NWD2: variants seen among roughly 807,000 people sequenced by gnomAD.
NWD2 encodes NACHT and WD repeat domain containing 2.
A neutral mutation model predicts 132.7 loss-of-function variants in NWD2; 37 were observed. The ratio of observed to expected loss-of-function variants is 0.28; its 90% CI spans 0.21 to 0.37. The LOEUF (loss-of-function observed/expected upper bound fraction) is 0.37. NWD2 is among the 10% of genes least tolerant of loss of function. The pLI is 1.00. For missense variants in NWD2, 1,592 were observed against 2,122.4 expected (o/e 0.75, Z 4.91); for synonymous variants, 705 against 803.0 (o/e 0.88, Z 2.06).
At chr4:37,364,131 C>G (rs1720039081) in intron 3 of NWD2, among the ~76,000 whole-genome samples, 1 of 152,178 alleles carries the variant, frequency 6.6e-6, no homozygotes, top group South Asian at 2.1e-4. Flanking sequence ...GAGCGAGACT[C>G]TGTCTCAAAA....
chr4:37,306,503 A>G (rs1343028821), intron 1 of NWD2, among the ~76,000 whole-genome samples: 2 of 152,062 alleles, frequency 1.3e-5, no homozygotes, highest in Non-Finnish European at 2.9e-5. Flanking sequence ...ATAGGTTAGG[A>G]TATTTTTCAT....
chr4:37,246,695 A>C (rs967664710), intron 1 of NWD2, among the ~76,000 whole-genome samples: 57 of 152,344 alleles, frequency 3.7e-4, no homozygotes, highest in African/African-American at 1.3e-3. Flanking sequence ...TGAGAGAATT[A>C]TGTTAGAAAA....
chr4:37,348,446 T>C (rs1017834747), intron 2 of NWD2, among the ~76,000 whole-genome samples: 4 of 151,652 alleles, frequency 2.6e-5, no homozygotes, highest in Non-Finnish European at 5.9e-5. Context: ...AGAGAAGACA[T>C]GAGGCCCTAC....
intron 3 of NWD2, among the ~76,000 whole-genome samples, chr4:37,399,498 T>C (rs1203508861): frequency 3.3e-5 from 5 of 152,218 alleles, no homozygotes; most frequent in Admixed American, 2.6e-4. Flanking sequence ...ATGAAGGATT[T>C]CTCTTTGAGA....
chr4:37,309,869 C>T (rs926172584), intron 1 of NWD2, among the ~76,000 whole-genome samples: 6 of 152,186 alleles, frequency 3.9e-5, no homozygotes, highest in Non-Finnish European at 8.8e-5. Flanking sequence ...TCTCCCTAGG[C>T]ATGCAATTCA....
chr4:37,373,319 C>T (rs1422851488), intron 3 of NWD2, among the ~76,000 whole-genome samples: 1 of 152,230 alleles, frequency 6.6e-6, no homozygotes, highest in African/African-American at 2.4e-5. Context: ...TTCATTCTAA[C>T]TTCATTACCA....
chr4:37,323,728 C>T (rs113688262), intron 1 of NWD2, among the ~76,000 whole-genome samples: 108 of 152,192 alleles, frequency 7.1e-4, no homozygotes, highest in African/African-American at 2.4e-3. Context: ...ACCAAAAAGA[C>T]ACATGCACTT....
At chr4:37,321,919 C>T (rs1361374374) in intron 1 of NWD2, among the ~76,000 whole-genome samples, 1 of 152,154 alleles carries the variant, frequency 6.6e-6, no homozygotes, top group Non-Finnish European at 1.5e-5. Context: ...TATTCTGCCA[C>T]AAACACAGAA....
intron 3 of NWD2, among the ~76,000 whole-genome samples, chr4:37,418,186 G>A (rs1711681662): frequency 1.3e-5 from 2 of 152,020 alleles, no homozygotes; most frequent in African/African-American, 4.8e-5. Context: ...AAAGGGCCCA[G>A]GAAGCCAACG....
intron 1 of NWD2, among the ~76,000 whole-genome samples, chr4:37,302,028 T>C (rs1718621483): frequency 6.6e-6 from 1 of 151,900 alleles, no homozygotes; most frequent in Admixed American, 6.6e-5. Context: ...TTAACTATAG[T>C]CTCCCTAAAG....
At chr4:37,326,211 C>A (rs1056569735) in intron 2 of NWD2, among the ~76,000 whole-genome samples, 187 bp downstream of exon 2, 3 of 152,056 alleles carry the variant, frequency 2.0e-5, no homozygotes, top group African/African-American at 7.2e-5. Context: ...ATGTTTAGTT[C>A]TTTTATGCTG....
intron 3 of NWD2, among the ~76,000 whole-genome samples, chr4:37,367,848 AGT>A (rs1560405634): frequency 9.2e-5 from 14 of 152,274 alleles, no homozygotes; most frequent in African/African-American, 3.4e-4. Flanking sequence ...ATGTCTAACT[AGT>A]AAGGGATAAG....
chr4:37,335,672 C>G (rs1719393521), intron 2 of NWD2, among the ~76,000 whole-genome samples: 1 of 151,662 alleles, frequency 6.6e-6, no homozygotes, highest in Admixed American at 6.6e-5. Flanking sequence ...GAACATGAAC[C>G]CTATCGTGAA....
At chr4:37,322,432 C>T (rs934167021) in intron 1 of NWD2, among the ~76,000 whole-genome samples, 1 of 152,094 alleles carries the variant, frequency 6.6e-6, no homozygotes, top group African/African-American at 2.4e-5. Flanking sequence ...TCCAGGACGA[C>T]ATCATAGCTA....
At chr4:37,319,131 A>C (rs1209836145) in intron 1 of NWD2, among the ~76,000 whole-genome samples, 1 of 152,156 alleles carries the variant, frequency 6.6e-6, no homozygotes, top group African/African-American at 2.4e-5. Flanking sequence ...CTGCAGCTTT[A>C]CCAGCATCTG....
chr4:37,397,253 G>A (rs1266902369), intron 3 of NWD2, among the ~76,000 whole-genome samples: 1 of 152,144 alleles, frequency 6.6e-6, no homozygotes, highest in Non-Finnish European at 1.5e-5. Context: ...AAATCCTGAG[G>A]TTTAGGGAAA....
intron 2 of NWD2, among the ~76,000 whole-genome samples, chr4:37,343,161 G>A (rs113044006): frequency 3.3e-5 from 5 of 152,260 alleles, no homozygotes; most frequent in Admixed American, 6.5e-5. Flanking sequence ...ATCTGACAAC[G>A]CTAATCTGAG....
At chr4:37,394,974 A>G (rs7679823) in intron 3 of NWD2, among the ~76,000 whole-genome samples, 101,506 of 150,198 alleles carry the variant, frequency 0.68, 34,507 homozygotes, top group South Asian at 0.74. Flanking sequence ...CACCATGCCC[A>G]GCTAATTTTT....
intron 1 of NWD2, among the ~76,000 whole-genome samples, chr4:37,270,272 A>G (rs1288089561): frequency 6.6e-6 from 1 of 151,876 alleles, no homozygotes; most frequent in East Asian, 1.9e-4. Flanking sequence ...CAAATCAAAT[A>G]GTATATCCAG....
Sources: allele counts gnomAD v4.1 joint callset (sites outside exome capture counted in the v4.1 genomes callset), GRCh38; gene constraint gnomAD v4.1.1; transcripts MANE v1.5; gene names NCBI Gene and HGNC (gene_info 2026-07-23, HGNC 2026-07-21).